Variants in NUDT14 observed in about 807,000 individuals in gnomAD.
NUDT14 encodes the protein uridine diphosphate glucose pyrophosphatase NUDT14.
NUDT14 carries 22 observed loss-of-function variants against 17.5 expected under a neutral mutation model. That is an observed-to-expected ratio of 1.26 (90% CI 0.90 to 1.80). The LOEUF is 1.80. Among genes scored for constraint, NUDT14 ranks in the 40% most tolerant of loss-of-function variants. NUDT14 has a pLI of 0.00. For synonymous variants in NUDT14, 129 were observed against 125.8 expected (o/e 1.03, Z -0.17); for missense variants, 296 against 295.6 (o/e 1.00, Z -0.01).
intron 1 of NUDT14, among the ~76,000 whole-genome samples, chr14:105,178,987 C>T (rs1447957758): frequency 6.6e-6 from 1 of 152,082 alleles, no homozygotes; most frequent in Non-Finnish European, 1.5e-5. Flanking sequence ...CTGCCTGACA[C>T]CCAGCCACCC....
chr14:105,177,305 C>T (rs924618095), intron 2 of NUDT14: 3 of 606,262 alleles, frequency 4.9e-6, no homozygotes, highest in Non-Finnish European at 6.0e-6. Flanking sequence ...GGTCAGGGTG[C>T]TCGCAGCTGA....
In NUDT14 at chr14:105,173,247, A is replaced by T. The variant is rs151042482; in HGVS notation, c.443T>A (p.Leu148Gln). Residue 148 changes from leucine to glutamine, a missense_variant, in exon 5 of 5, where the codon CTG (leucine) becomes CAG (glutamine). Transcript: ENST00000392568. This position sits in a 1 kb window ranked among gnomAD's most constrained non-coding sequence, Gnocchi z 4.7. ...GAACATGGTCTGTCTGGAGCCAGTC[A>T]GTCCCACTCCAGACCTACGGGTTGA... is the stretch of plus-strand genomic sequence containing the variant. Reference protein sequence around the residue: ...RVATYWSGVGLTGSRQTMFYT... With the variant: ...RVATYWSGVGQTGSRQTMFYT... 3 of 1,573,122 alleles carry T rather than the reference A, an allele frequency of 1.9e-6. No homozygotes were observed. The African/African-American group carries it at 4.1e-5, about 21-fold the overall frequency.
Position 105,181,117 on chromosome 14 carries a change from G to T in NUDT14, c.81+12C>A. On this transcript the variant is annotated intron_variant, in intron 1 of 4. Coordinates refer to ENST00000392568, the MANE Select transcript of NUDT14 (RefSeq NM_177533.5). The surrounding 1 kb of genome is among the most constrained non-coding windows in gnomAD (Gnocchi z 5.0). ...CGGCGGGGGCGCGGGGGACGCGGGGGCGCGGGCTCACCTGGCGGTAATGCA... is the reference window on the plus strand; with the variant it reads ...CGGCGGGGGCGCGGGGGACGCGGGGTCGCGGGCTCACCTGGCGGTAATGCA... 9.8e-7 allele frequency: 1 copy of T among 1,023,178 alleles called. No homozygotes were observed. The highest frequency in any genetic ancestry group is 1.2e-6 in the Non-Finnish European group (1 of 843,244). 63.4% of individuals were successfully genotyped at this position (1,023,178 alleles called of 1,614,324 possible).
chr14:105,179,129 G>C (rs1046953181), intron 1 of NUDT14, among the ~76,000 whole-genome samples: 6 of 152,164 alleles, frequency 3.9e-5, no homozygotes, highest in Non-Finnish European at 7.4e-5. Flanking sequence ...CAGGTCTCAA[G>C]GACCCTCTCA....
intron 4 of NUDT14, among the ~76,000 whole-genome samples, chr14:105,174,700 C>CT (rs587724953): frequency 1.8e-3 from 281 of 152,256 alleles, no homozygotes; most frequent in African/African-American, 6.5e-3. Context: ...TTTCCGCCGG[C>CT]TTGTGAAGGA....
rs765751024 is a variant in NUDT14, at chr14:105,177,698, T to C, written c.119A>G (p.His40Arg). The C allele has an allele frequency of 6.2e-6, 10 of 1,612,216 alleles. 1 individual carries two copies. The highest frequency in any genetic ancestry group is 1.3e-5 in the African/African-American group (1 of 74,920). Reference sequence around the variant, plus strand: ...GGCTGGGCCAGGCTCTCACCTGTCATGCGTCTTCATGAAGTCCCAGGACTT... The same window carrying C: ...GGCTGGGCCAGGCTCTCACCTGTCACGCGTCTTCATGAAGTCCCAGGACTT... ...AQKSWDFMKTHDSVTVLLFNS... is the reference protein window; with the variant it reads ...AQKSWDFMKTRDSVTVLLFNS... The change falls in exon 2 of 5, where the codon CAT becomes CGT. Residue 40 changes from histidine to arginine, a missense_variant. Transcript: ENST00000392568.
intron 1 of NUDT14, among the ~76,000 whole-genome samples, chr14:105,178,920 G>A (rs777304516): frequency 5.9e-5 from 9 of 152,142 alleles, no homozygotes; most frequent in Non-Finnish European, 8.8e-5. Flanking sequence ...GGCGTCCCGC[G>A]CAGGTCAGGC....
In NUDT14 at chr14:105,173,371, C is replaced by A; in HGVS notation, c.429-110G>T. On this transcript the variant is annotated intron_variant, in intron 4 of 4. Transcript: ENST00000392568. The surrounding 1 kb of genome is among the most constrained non-coding windows in gnomAD (Gnocchi z 4.7). ...CTCCACTCTGCTCCCTCCAGCCCTC[C>A]AGTAGGCAGGACTCTGGGATGCCCT... 1 of 1,262,336 alleles carries A rather than the reference C, an allele frequency of 7.9e-7. No individual in the cohort carries two copies. Among genetic ancestry groups the A allele is most frequent in the Non-Finnish European group, 1.0e-6 (1 of 977,022 alleles). The allele number at this position is 1,262,336 out of a possible 1,614,324, so 78.2% of individuals were successfully genotyped here.
At position 105,173,857 on chromosome 14, in the gene NUDT14, C is replaced by T. The variant is rs955105042; in HGVS notation, c.429-596G>A. On this transcript the variant is annotated intron_variant, in intron 4 of 4. Coordinates refer to ENST00000392568, the MANE Select transcript of NUDT14 (RefSeq NM_177533.5). This position sits in a 1 kb window ranked among gnomAD's most constrained non-coding sequence, Gnocchi z 4.7. ...TGTCTGCAGCCCCCAACCAGATACCCTGAGGCTGTTCCCAGTGCTGTTTGG... is the reference window on the plus strand; with the variant it reads ...TGTCTGCAGCCCCCAACCAGATACCTTGAGGCTGTTCCCAGTGCTGTTTGG... Among the ~76,000 whole-genome samples the T allele has an allele frequency of 6.6e-6, 1 of 151,812 alleles. No individual in the cohort carries two copies. Among genetic ancestry groups the T allele is most frequent in the African/African-American group, 2.4e-5 (1 of 41,318 alleles).
At chr14:105,176,422 T>C (rs1889213302) in intron 4 of NUDT14, 112 bp downstream of exon 4, 1 of 920,160 alleles carries the variant, frequency 1.1e-6, no homozygotes. Flanking sequence ...CCTAATCCCA[T>C]GTTGGAAAAC....
rs776159981 is a variant in NUDT14, at chr14:105,173,073, A to G, written c.617T>C (p.Phe206Ser). The change falls in exon 5 of 5, where the codon TTT (phenylalanine) becomes TCT (serine). Residue 206 changes from phenylalanine to serine, a missense_variant. Phe to Ser is a radical substitution (Grantham distance 155). Coordinates refer to ENST00000392568, the MANE Select transcript of NUDT14 (RefSeq NM_177533.5). The surrounding 1 kb of genome is among the most constrained non-coding windows in gnomAD (Gnocchi z 4.7). ...PDIPKTLGVI[F>S]GVSWFLSQVA... ...CTGGCTGAGGAACCATGAGACACCAAAGATGACGCCGAGGGTCTTGGGGAT... is the reference window on the plus strand; with the variant it reads ...CTGGCTGAGGAACCATGAGACACCAGAGATGACGCCGAGGGTCTTGGGGAT... The G allele has an allele frequency of 5.2e-6, 8 of 1,544,710 alleles. No individual in the cohort carries two copies. In the East Asian group the frequency reaches 1.6e-4, roughly 31 times the overall value.
chr14:105,180,951 C>A (rs1317854190), intron 1 of NUDT14, among the ~76,000 whole-genome samples, 178 bp downstream of exon 1: 1 of 152,062 alleles, frequency 6.6e-6, no homozygotes, highest in Non-Finnish European at 1.5e-5. Flanking sequence ...GGCCTGGGGG[C>A]TCACTGGGTC....
At chr14:105,179,826 C>A (rs1889289615) in intron 1 of NUDT14, among the ~76,000 whole-genome samples, 2 of 152,222 alleles carry the variant, frequency 1.3e-5, no homozygotes, top group African/African-American at 4.8e-5. Context: ...AAGTGAGGGG[C>A]ACAGGGCCTC....
intron 4 of NUDT14, among the ~76,000 whole-genome samples, chr14:105,175,149 G>T (rs987940848): frequency 6.6e-6 from 1 of 152,180 alleles, no homozygotes; most frequent in South Asian, 2.1e-4. Context: ...AGGGCTGCTT[G>T]ACCACTTGCC....
intron 1 of NUDT14, among the ~76,000 whole-genome samples, chr14:105,179,368 C>G (rs587727409): frequency 6.6e-6 from 1 of 152,346 alleles, no homozygotes; most frequent in South Asian, 2.1e-4. Context: ...GGGTGGCAGC[C>G]AGCGTCCAGC....
rs993082885 is a variant in NUDT14, at chr14:105,181,006, A to G, written c.81+123T>C. ...GGGCGGACAAGCGGCCGCCCGGGAG[A>G]TCGGCGGGAGGCGGGGGCGGGGCTC... On this transcript the variant is annotated intron_variant, in intron 1 of 4. Coordinates refer to ENST00000392568, the MANE Select transcript of NUDT14 (RefSeq NM_177533.5). This position sits in a 1 kb window ranked among gnomAD's most constrained non-coding sequence, Gnocchi z 5.0. The G allele has an allele frequency of 3.8e-6, 1 of 260,364 alleles. No individual in the cohort carries two copies. The highest frequency in any genetic ancestry group is 2.3e-5 in the African/African-American group (1 of 43,712). The allele number at this position is 260,364 out of a possible 1,614,324, so 16.1% of individuals were successfully genotyped here. A position where few individuals can be genotyped will look rare whatever the true frequency, so the allele number is the denominator to read the frequency against.
intron 2 of NUDT14, 67 bp from the exon 3 acceptor site, chr14:105,177,094 T>A: frequency 1.3e-6 from 2 of 1,483,402 alleles, no homozygotes; most frequent in South Asian, 2.3e-5. Context: ...CCACCTCCCA[T>A]CTTTCTGTTC....
At chr14:105,176,193 C>T (rs933116419) in intron 4 of NUDT14, among the ~76,000 whole-genome samples, 3 of 152,170 alleles carry the variant, frequency 2.0e-5, no homozygotes, top group African/African-American at 7.2e-5. Context: ...TCCTAAGCCA[C>T]CCTCTGAGAA....
At chr14:105,178,897 G>A (rs1003818954) in intron 1 of NUDT14, among the ~76,000 whole-genome samples, 16 of 152,174 alleles carry the variant, frequency 1.1e-4, no homozygotes, top group Non-Finnish European at 1.9e-4. Context: ...GGTTTCCAAG[G>A]GAAGGGAGGG....
Sources: gnomAD v4.1 joint callset for allele counts (sites outside exome capture counted in the v4.1 genomes callset) on GRCh38, gnomAD v4.1.1 for gene constraint, Gnocchi (gnomAD v3.1) non-coding constraint, MANE v1.5 for transcripts, NCBI Gene and HGNC (gene_info 2026-07-23, HGNC 2026-07-21) for gene names.